MTPN: variants seen among roughly 807,000 people sequenced by gnomAD.
MTPN encodes myotrophin.
MTPN carries 2 observed loss-of-function variants against 13.5 expected under a neutral mutation model. The observed-to-expected ratio is 0.15, with a 90% CI of 0.06 to 0.47. The LOEUF is 0.47. MTPN is among the 20% of genes least tolerant of loss of function. The pLI, the probability that MTPN is intolerant of heterozygous loss-of-function variation, is 0.97. For missense variants in MTPN, 79 were observed against 137.9 expected (o/e 0.57, Z 2.14); for synonymous variants, 46 against 51.7 (o/e 0.89, Z 0.48).
At chr7:135,970,934 C>T (rs1290698530) in intron 1 of MTPN, among the ~76,000 whole-genome samples, 4 of 151,728 alleles carry the variant, frequency 2.6e-5, no homozygotes, top group Non-Finnish European at 2.9e-5. Flanking sequence ...AAGAAAGAAA[C>T]TAATAATTTA....
At chr7:135,955,469 A>C (rs948989873) in intron 1 of MTPN, among the ~76,000 whole-genome samples, 1 of 152,180 alleles carries the variant, frequency 6.6e-6, no homozygotes, top group Admixed American at 6.5e-5. Context: ...CAGACTCCAG[A>C]TGGCACCACT....
chr7:135,972,233 A>G (rs112732922), intron 1 of MTPN, among the ~76,000 whole-genome samples: 17,843 of 128,442 alleles, frequency 0.14, 1,145 homozygotes, highest in Admixed American at 0.17. Context: ...ACGCGCGCGC[A>G]CACACACACA....
intron 3 of MTPN, among the ~76,000 whole-genome samples, chr7:135,945,446 T>C (rs540767075): frequency 1.3e-5 from 2 of 152,350 alleles, no homozygotes; most frequent in African/African-American, 4.8e-5. Context: ...TTTTCTTTTA[T>C]ATTCTTATTC....
chr7:135,941,846 C>T (rs957028252), intron 3 of MTPN, among the ~76,000 whole-genome samples: 1 of 151,334 alleles, frequency 6.6e-6, no homozygotes, highest in Non-Finnish European at 1.5e-5. Flanking sequence ...AATTACTCCT[C>T]TTCAAGGACA....
In MTPN at chr7:135,977,349, C is replaced by G. The variant is rs899158706; in HGVS notation, c.-249G>C. The G allele has an allele frequency of 1.1e-5, 6 of 549,106 alleles. No homozygotes were observed. The highest frequency in any genetic ancestry group is 2.0e-5 in the Non-Finnish European group (6 of 304,998). 34.0% of individuals were successfully genotyped at this position (549,106 alleles called of 1,614,324 possible). The stretch of plus-strand genomic sequence containing the variant: ...CCGCCTGGCCGAGGAGAGGCAGGAA[C>G]CTTTACACTTCCGGTTCACTCCCCG... On this transcript the variant is annotated 5_prime_UTR_variant, in exon 1 of 4. Transcript: ENST00000393085.
intron 1 of MTPN, among the ~76,000 whole-genome samples, chr7:135,956,127 AG>A (rs1451846662): frequency 1.3e-5 from 2 of 152,206 alleles, no homozygotes; most frequent in African/African-American, 2.4e-5. Context: ...TCCCATGGTT[AG>A]GGGGGTGCTG....
At chr7:135,961,966 A>G (rs1799530242) in intron 1 of MTPN, among the ~76,000 whole-genome samples, 1 of 152,062 alleles carries the variant, frequency 6.6e-6, no homozygotes, top group South Asian at 2.1e-4. Context: ...AAAACAACTG[A>G]CAAAAATAGC....
chr7:135,938,165 A>G (rs1377399276), intron 3 of MTPN, among the ~76,000 whole-genome samples: 3 of 152,148 alleles, frequency 2.0e-5, no homozygotes, highest in Non-Finnish European at 4.4e-5. Flanking sequence ...TTCTGAATCT[A>G]TTTTTGATCT....
intron 1 of MTPN, among the ~76,000 whole-genome samples, chr7:135,970,121 G>A (rs12534100): frequency 0.13 from 20,308 of 152,196 alleles, 1,832 homozygotes; most frequent in Non-Finnish European, 0.21. Context: ...TTTATCATAC[G>A]GGAATAGTTA....
chr7:135,943,813 T>C (rs1399804168), intron 3 of MTPN, among the ~76,000 whole-genome samples: 1 of 152,218 alleles, frequency 6.6e-6, no homozygotes, highest in Non-Finnish European at 1.5e-5. Flanking sequence ...AAAAAAGCAG[T>C]TCTTTTGGGC....
intron 1 of MTPN, among the ~76,000 whole-genome samples, chr7:135,971,176 T>C (rs1175846344): frequency 6.6e-6 from 1 of 152,128 alleles, no homozygotes; most frequent in Non-Finnish European, 1.5e-5. Flanking sequence ...CAGATGTAAT[T>C]AGAATGGAGG....
At chr7:135,957,787 G>A (rs770682357) in intron 1 of MTPN, among the ~76,000 whole-genome samples, 12 of 152,122 alleles carry the variant, frequency 7.9e-5, no homozygotes, top group Non-Finnish European at 1.6e-4. Context: ...TAGTTCTTGT[G>A]AGAGCTGGTG....
At chr7:135,968,438 G>GAA (rs200580031) in intron 1 of MTPN, among the ~76,000 whole-genome samples, 11,867 of 147,742 alleles carry the variant, frequency 0.08, 518 homozygotes, top group Admixed American at 0.11. Flanking sequence ...TCTGTGGACT[G>GAA]AAAAAAAAAA....
At chr7:135,964,922 G>A (rs553857873) in intron 1 of MTPN, among the ~76,000 whole-genome samples, 6 of 152,066 alleles carry the variant, frequency 3.9e-5, no homozygotes, top group South Asian at 4.1e-4. Flanking sequence ...TGCAAACTAC[G>A]GCTCATGGGT....
intron 1 of MTPN, among the ~76,000 whole-genome samples, chr7:135,961,323 C>G (rs542618934): frequency 1.3e-5 from 2 of 151,942 alleles, no homozygotes; most frequent in African/African-American, 4.8e-5. Context: ...TGATTCCCCC[C>G]CTCCCAAAAA....
In MTPN at chr7:135,931,604, G is replaced by A. The variant is rs560743961; in HGVS notation, c.271-1592C>T. On this transcript the variant is annotated intron_variant, in intron 3 of 3. Coordinates refer to ENST00000393085, the MANE Select transcript of MTPN (RefSeq NM_145808.4). ...TGAGAACTTCAGTGCTGTGAGTCCC[G>A]CCACAATGGTTAAGGGATAACTGTA... Among the ~76,000 whole-genome samples, 5 of 152,286 alleles carry A rather than the reference G, an allele frequency of 3.3e-5. No homozygotes were observed. In the South Asian group the frequency reaches 1.0e-3, roughly 32 times the overall value.
At chr7:135,962,556 C>T (rs1164157593) in intron 1 of MTPN, among the ~76,000 whole-genome samples, 2 of 152,044 alleles carry the variant, frequency 1.3e-5, no homozygotes, top group Non-Finnish European at 2.9e-5. Flanking sequence ...GTTTAAAAGA[C>T]TACCACTGTT....
At chr7:135,931,396 G>C (rs905169098) in intron 3 of MTPN, among the ~76,000 whole-genome samples, 2 of 152,142 alleles carry the variant, frequency 1.3e-5, no homozygotes, top group Non-Finnish European at 1.5e-5. Context: ...GCTGAGTCTT[G>C]ACAAGGAAGT....
chr7:135,946,268 T>G (rs1799286736), intron 3 of MTPN, among the ~76,000 whole-genome samples: 1 of 152,290 alleles, frequency 6.6e-6, no homozygotes, highest in East Asian at 1.9e-4. Flanking sequence ...ACAGTGAATA[T>G]CCCAGATAAG....
Sources: allele counts gnomAD v4.1 joint callset (sites outside exome capture counted in the v4.1 genomes callset), GRCh38; gene constraint gnomAD v4.1.1; transcripts MANE v1.5; gene names NCBI Gene and HGNC (gene_info 2026-07-23, HGNC 2026-07-21).